RPS20: variants seen among roughly 807,000 people sequenced by gnomAD.
RPS20 encodes the protein small ribosomal subunit protein uS10.
In RPS20, 3 loss-of-function variants were observed where a neutral mutation model predicts 15.3. The ratio of observed to expected loss-of-function variants is 0.20; its 90% CI spans 0.09 to 0.51. RPS20 has a LOEUF of 0.51. Ranked by LOEUF, RPS20 falls within the 20% of genes least tolerant of loss-of-function variation. RPS20 has a pLI of 0.96. For synonymous variants in RPS20, 62 were observed against 47.8 expected (o/e 1.30, Z -1.23); for missense variants, 67 against 145.9 (o/e 0.46, Z 2.79).
In RPS20 at chr8:56,074,071, G is replaced by A; in HGVS notation, c.92C>T (p.Ser31Phe). The change falls in exon 2 of 4, where the codon TCC becomes TTC. Residue 31 changes from serine (S) to phenylalanine (F), a missense_variant. Coordinates refer to ENST00000009589, the MANE Select transcript of RPS20 (RefSeq NM_001023.4). ...ACGAATGCACTGACCCTTTTCCAAG[G>A]ATTTTACGTTGCGGCTTGTTAGGGT... Reference protein sequence around the residue: ...RITLTSRNVKSLEKVCADLIR... With the variant: ...RITLTSRNVKFLEKVCADLIR... The A allele has an allele frequency of 6.2e-7, 1 of 1,613,576 alleles. No individual in the cohort carries two copies. The highest frequency in any genetic ancestry group is 8.5e-7 in the Non-Finnish European group (1 of 1,179,712).
At chr8:56,069,847 G>T (rs748060798), downstream of RPS20, 20 of 1,378,870 alleles carry the variant, frequency 1.5e-5, no homozygotes, top group Middle Eastern at 3.5e-4. Flanking sequence ...TAGATCAAAA[G>T]TATTCAGAAA....
rs1216456535 is a variant in RPS20 at position 56,074,373 on chromosome 8, C to T, written c.3+8G>A. ...CGTTGCGCCGCCCGCCGCCGACTGCCGCCTCACCATGGCTGTTGCGCGCGG... is the reference window on the plus strand; with the variant it reads ...CGTTGCGCCGCCCGCCGCCGACTGCTGCCTCACCATGGCTGTTGCGCGCGG... On this transcript the variant is annotated splice_region_variant and intron_variant, in intron 1 of 3. Transcript: ENST00000009589. 6.4e-7 allele frequency: 1 copy of T among 1,558,088 alleles called. No individual in the cohort carries two copies. The highest frequency in any genetic ancestry group is 1.8e-5 in the Admixed American group (1 of 54,654).
At chr8:56,073,842 T>C in intron 2 of RPS20, 74 bp from the exon 3 acceptor site, 1 of 1,354,348 alleles carries the variant, frequency 7.4e-7, no homozygotes, top group Non-Finnish European at 1.1e-6. Flanking sequence ...TTCTGCTGGC[T>C]CAGAATAGCG....
chr8:56,074,348 C>A (rs1809871868), intron 1 of RPS20, 33 bp downstream of exon 1: 1 of 1,549,656 alleles, frequency 6.5e-7, no homozygotes, highest in Non-Finnish European at 8.7e-7. Flanking sequence ...CCGAGCCCTG[C>A]GTTGCGCCGC....
At chr8:56,071,667 A>G (rs1809759323), downstream of RPS20, among the ~76,000 whole-genome samples, 2 of 152,214 alleles carry the variant, frequency 1.3e-5, no homozygotes, top group African/African-American at 4.8e-5. Context: ...TTTTAGACAC[A>G]TTAGCTTTTC....
Position 56,074,465 on chromosome 8 carries a change from C to G in RPS20, c.-82G>C, listed in dbSNP as rs1189778329. ...TGAGTCAGGAGCAGGAGCGTGCGGA[C>G]CAAAAATCCTCAGCCCTTACGACCG... On this transcript the variant is annotated 5_prime_UTR_variant, in exon 1 of 4. Transcript: ENST00000009589. The G allele has an allele frequency of 6.7e-7, 1 of 1,482,644 alleles. No homozygotes were observed. Among genetic ancestry groups the G allele is most frequent in the South Asian group, 1.2e-5 (1 of 82,162 alleles). 91.8% of individuals were successfully genotyped at this position (1,482,644 alleles called of 1,614,324 possible).
chr8:56,072,548 TC>T (rs148676649), downstream of RPS20, among the ~76,000 whole-genome samples: 2,988 of 95,922 alleles, frequency 0.031, 84 homozygotes, highest in African/African-American at 0.1. Flanking sequence ...CAAAACGCCG[TC>T]CCCCCCCCCA....
downstream of RPS20, among the ~76,000 whole-genome samples, chr8:56,071,833 T>C (rs2953916): frequency 0.3 from 45,027 of 152,134 alleles, 7,516 homozygotes; most frequent in African/African-American, 0.44. Context: ...TATTAAAAAT[T>C]TCAAAAATTT....
downstream of RPS20, among the ~76,000 whole-genome samples, chr8:56,072,176 G>A (rs529007897): frequency 3.9e-5 from 6 of 152,316 alleles, no homozygotes; most frequent in South Asian, 1.0e-3. Flanking sequence ...CAAGGCTGCA[G>A]TGATCACACC....
chr8:56,073,577 T>C (rs971918501), intron 3 of RPS20, 118 bp downstream of exon 3: 4 of 812,720 alleles, frequency 4.9e-6, no homozygotes, highest in Non-Finnish European at 8.6e-6. Flanking sequence ...CCGATTTCTA[T>C]GTGCGTTTGT....
chr8:56,067,727 T>G (rs1046373920), exon 6 of RPS20: 1 of 150,706 alleles, frequency 6.6e-6, no homozygotes, highest in South Asian at 2.1e-4. Context: ...TGATATGGTA[T>G]GGGTCAAACT....
At chr8:56,073,522 A>G (rs1470374436) in intron 3 of RPS20, 173 bp downstream of exon 3, 14 of 660,962 alleles carry the variant, frequency 2.1e-5, no homozygotes, top group South Asian at 2.0e-4. Context: ...TAATTCAACA[A>G]TCATATCTAA....
intron 3 of RPS20, 170 bp downstream of exon 3, chr8:56,073,525 A>G: frequency 1.7e-5 from 11 of 661,636 alleles, no homozygotes; most frequent in South Asian, 5.3e-5. Context: ...TTCAACAATC[A>G]TATCTAAACA....
In RPS20 at chr8:56,073,144, A is replaced by C. The variant is rs749176723; in HGVS notation, c.306T>G (p.Thr102=). 1.1e-5 allele frequency: 18 copies of C among 1,598,190 alleles called. No homozygotes were observed. In the South Asian group the frequency reaches 1.9e-4, roughly 17 times the overall value. Reference sequence around the variant, plus strand: ...CAACTCCTGGCTCAATACTGATGGAAGTAATCTGCTTAACAATCTCAGAAG... The same window carrying C: ...CAACTCCTGGCTCAATACTGATGGACGTAATCTGCTTAACAATCTCAGAAG... ...HSPSEIVKQI[T]SISIEPGVEV... The change falls in exon 4 of 4, where the codon ACT becomes ACG. Residue 102 remains threonine, a synonymous_variant. Coordinates refer to ENST00000009589, the MANE Select transcript of RPS20 (RefSeq NM_001023.4).
chr8:56,073,314 T>C (rs749298650), intron 3 of RPS20, 42 bp from the exon 4 acceptor site: 61 of 1,237,796 alleles, frequency 4.9e-5, no homozygotes, highest in Non-Finnish European at 7.0e-5. Flanking sequence ...TATCGTTTTA[T>C]ACTTATCCCT....
At chr8:56,069,825 T>C, downstream of RPS20, 1 of 1,480,652 alleles carries the variant, frequency 6.8e-7, no homozygotes. Flanking sequence ...CATCTGTAGA[T>C]TCGATCAACT....
At chr8:56,068,024 A>T (rs1385066986) in exon 6 of RPS20, 1 of 152,222 alleles carries the variant, frequency 6.6e-6, no homozygotes, top group Non-Finnish European at 1.5e-5. Context: ...AAAATGTATG[A>T]GTAAAATACG....
At chr8:56,068,804 TA>T (rs1809677874), downstream of RPS20, among the ~76,000 whole-genome samples, 7 of 105,240 alleles carry the variant, frequency 6.7e-5, no homozygotes, top group South Asian at 3.5e-4. Flanking sequence ...TTGGTGAAAA[TA>T]TCTTTTTTTT....
rs1185374239 is a variant in RPS20, at chr8:56,073,171, A to G, written c.279T>C (p.Ser93=). The change falls in exon 4 of 4, where the codon AGT becomes AGC. Residue 93 remains serine (S), a synonymous_variant. Coordinates refer to ENST00000009589, the MANE Select transcript of RPS20 (RefSeq NM_001023.4). ...TAATCTGCTTAACAATCTCAGAAGG[A>G]CTGTGCAAGTCAATGAGTCGCTTGT... ...RIHKRLIDLH[S]PSEIVKQITS... is the part of the protein sequence containing the mutation. 1 of 1,599,602 alleles carries G rather than the reference A, an allele frequency of 6.3e-7. No individual in the cohort carries two copies. Among genetic ancestry groups the G allele is most frequent in the Non-Finnish European group, 8.5e-7 (1 of 1,179,672 alleles).
Sources: allele counts gnomAD v4.1 joint callset (sites outside exome capture counted in the v4.1 genomes callset), GRCh38; gene constraint gnomAD v4.1.1; transcripts MANE v1.5; gene names NCBI Gene and HGNC (gene_info 2026-07-23, HGNC 2026-07-21).